The following ANO2 variants were observed in gnomAD, a reference collection of about 807,000 sequenced individuals.
ANO2 encodes the protein anoctamin-2.
Under a neutral mutation model 124.2 loss-of-function variants are expected in ANO2, and 101 were observed. The ratio of observed to expected loss-of-function variants is 0.81; its 90% CI spans 0.69 to 0.96. The LOEUF (loss-of-function observed/expected upper bound fraction) is 0.96. Ranked by LOEUF, ANO2 falls within the 40% of genes least tolerant of loss-of-function variation. The pLI is 0.00. For missense variants in ANO2, 1,293 were observed against 1,274.5 expected, an observed-to-expected ratio of 1.01 and a Z score of -0.22; for synonymous variants, 486 against 482.5, an observed-to-expected ratio of 1.01 and a Z score of -0.09.
intron 23 of ANO2, among the ~76,000 whole-genome samples, chr12:5,566,951 G>A (rs2136822082): frequency 6.6e-6 from 1 of 152,320 alleles, no homozygotes; most frequent in East Asian, 1.9e-4. Flanking sequence ...GCTCTAAAAG[G>A]TCCATGCAAA....
At chr12:5,744,511 A>T (rs1951208975) in intron 11 of ANO2, among the ~76,000 whole-genome samples, 194 bp from the exon 12 acceptor site, 1 of 152,204 alleles carries the variant, frequency 6.6e-6, no homozygotes, top group African/African-American at 2.4e-5. Context: ...CAAAAACAAC[A>T]ATGAAAAGAT....
At chr12:5,677,187 G>A (rs554043196) in intron 14 of ANO2, among the ~76,000 whole-genome samples, 91 of 152,232 alleles carry the variant, frequency 6.0e-4, no homozygotes, top group African/African-American at 1.9e-3. Flanking sequence ...GGAACAGTGG[G>A]GTGGTGCTGG....
At chr12:5,640,555 G>C (rs1946293601) in intron 15 of ANO2, among the ~76,000 whole-genome samples, 3 of 152,158 alleles carry the variant, frequency 2.0e-5, no homozygotes, top group Admixed American at 2.0e-4. Flanking sequence ...CCATCAAAAA[G>C]GGTGCAAAGG....
chr12:5,840,485 C>T (rs1028103162), intron 4 of ANO2, among the ~76,000 whole-genome samples: 2 of 152,136 alleles, frequency 1.3e-5, no homozygotes. Flanking sequence ...GTATACAAGG[C>T]ACTGTCCCCA....
intron 14 of ANO2, among the ~76,000 whole-genome samples, chr12:5,705,841 C>G (rs1949586914): frequency 2.0e-5 from 3 of 152,212 alleles, no homozygotes; most frequent in Non-Finnish European, 4.4e-5. Flanking sequence ...CTGCCTCAGA[C>G]TGTTCCAACT....
At chr12:5,693,019 C>T (rs931073573) in intron 14 of ANO2, among the ~76,000 whole-genome samples, 5 of 152,114 alleles carry the variant, frequency 3.3e-5, no homozygotes, top group Admixed American at 1.3e-4. Flanking sequence ...TCTCACTAGC[C>T]GCTTCTGCTC....
chr12:5,831,781 T>C lies in ANO2; in HGVS notation c.785+671A>G, dbSNP rs137865698. On this transcript the variant is annotated intron_variant, in intron 5 of 24. Transcript: ENST00000682330. ...TCTTTCTGTCCTCTCTGCCCTTCCA[T>C]GCCCCGGCCTTTCCCTCTCTTGCTC... Among the ~76,000 whole-genome samples the C allele has an allele frequency of 2.2e-3, 328 of 152,322 alleles. 1 individual carries two copies. Among genetic ancestry groups the C allele is most frequent in the Admixed American group, 4.7e-3 (72 of 15,306 alleles).
intron 10 of ANO2, among the ~76,000 whole-genome samples, chr12:5,765,288 C>T (rs912299892): frequency 2.0e-5 from 3 of 152,312 alleles, no homozygotes; most frequent in Admixed American, 2.0e-4. Context: ...AAAGCTGAAA[C>T]CCAGGTACCC....
intron 14 of ANO2, among the ~76,000 whole-genome samples, chr12:5,690,947 T>C (rs1005981893): frequency 6.6e-6 from 1 of 152,180 alleles, no homozygotes; most frequent in Non-Finnish European, 1.5e-5. Flanking sequence ...CACTGACACA[T>C]ATAGGGAGCA....
chr12:5,807,939 T>C (rs570221040), intron 7 of ANO2, among the ~76,000 whole-genome samples: 1 of 152,342 alleles, frequency 6.6e-6, no homozygotes, highest in Admixed American at 6.5e-5. Flanking sequence ...AAAACTATTT[T>C]TCTAACAGCA....
At chr12:5,610,819 T>TACATACACACACAC (rs1215595459) in intron 19 of ANO2, among the ~76,000 whole-genome samples, 1 of 110,844 alleles carries the variant, frequency 9.0e-6, no homozygotes, top group East Asian at 2.5e-4. Flanking sequence ...GAGTTGTCCA[T>TACATACACACACAC]ACACACACAC....
intron 7 of ANO2, among the ~76,000 whole-genome samples, chr12:5,826,069 C>G (rs1293647040): frequency 1.3e-5 from 2 of 152,104 alleles, no homozygotes; most frequent in Admixed American, 6.5e-5. Flanking sequence ...TAAGAAATAT[C>G]TTCATTTTAT....
At chr12:5,694,280 A>AGAGAGAGAG (rs1159708321) in intron 14 of ANO2, among the ~76,000 whole-genome samples, 1 of 151,826 alleles carries the variant, frequency 6.6e-6, no homozygotes, top group Non-Finnish European at 1.5e-5. Flanking sequence ...AGAGAGAGAG[A>AGAGAGAGAG]GAGAATAAAA....
chr12:5,588,977 G>A (rs1050890516), intron 20 of ANO2, among the ~76,000 whole-genome samples: 4 of 152,226 alleles, frequency 2.6e-5, no homozygotes, highest in Non-Finnish European at 5.9e-5. Context: ...AACATGGGAA[G>A]GAGAGACGCT....
intron 13 of ANO2, chr12:5,732,973 G>C (rs899373496): frequency 7.1e-6 from 10 of 1,399,818 alleles, no homozygotes; most frequent in African/African-American, 1.4e-5. Context: ...AGTTTCACCA[G>C]AGGCAGAGGG....
At chr12:5,657,950 T>C (rs1947243240) in intron 14 of ANO2, among the ~76,000 whole-genome samples, 1 of 152,124 alleles carries the variant, frequency 6.6e-6, no homozygotes, top group Admixed American at 6.5e-5. Flanking sequence ...TCCACATATA[T>C]GTGGACTGAA....
intron 4 of ANO2, among the ~76,000 whole-genome samples, chr12:5,833,925 C>T (rs75434679): frequency 0.035 from 5,260 of 152,128 alleles, 302 homozygotes; most frequent in African/African-American, 0.12. Flanking sequence ...AGCCTTGGTC[C>T]GCCTTATCCC....
In ANO2 at chr12:5,765,484, G is replaced by A. The variant is rs116045585; in HGVS notation, c.1056-14514C>T. 4.5e-3 allele frequency among the ~76,000 whole-genome samples: 681 copies of A among 152,226 alleles called. 4 individuals carry two copies. Among genetic ancestry groups the A allele is most frequent in the African/African-American group, 0.016 (652 of 41,508 alleles). ...GGATATTGTCTATGAGATATTAGTC[G>A]GTATTGGTATCTTTTGTGGTATAAC... On this transcript the variant is annotated intron_variant, in intron 10 of 24. Coordinates refer to ENST00000682330, the MANE Select transcript of ANO2 (RefSeq NM_001364791.2).
At chr12:5,846,072 T>C (rs534159468) in intron 4 of ANO2, among the ~76,000 whole-genome samples, 2 of 152,366 alleles carry the variant, frequency 1.3e-5, no homozygotes, top group East Asian at 1.9e-4. Context: ...TTATGAAATA[T>C]GGACAAGCTT....
Sources: gnomAD v4.1 joint callset for allele counts (sites outside exome capture counted in the v4.1 genomes callset) on GRCh38, gnomAD v4.1.1 for gene constraint, MANE v1.5 for transcripts, NCBI Gene and HGNC (gene_info 2026-07-23, HGNC 2026-07-21) for gene names.